The following NT5M variants were observed in gnomAD, a reference collection of about 807,000 sequenced individuals.
The protein encoded by NT5M is 5',3'-nucleotidase, mitochondrial.
Under a neutral mutation model 22.2 loss-of-function variants are expected in NT5M, and 22 were observed. That is an observed-to-expected ratio of 0.99 (90% CI 0.71 to 1.41). The LOEUF (loss-of-function observed/expected upper bound fraction) is 1.41. Ranked by LOEUF, NT5M falls within the 40% of genes most tolerant of loss-of-function variation. The pLI, the probability that NT5M is intolerant of heterozygous loss-of-function variation, is 0.00. For missense variants in NT5M, 322 were observed against 314.8 expected (o/e 1.02, Z -0.17); for synonymous variants, 167 against 133.0 (o/e 1.26, Z -1.76).
intron 2 of NT5M, among the ~76,000 whole-genome samples, chr17:17,311,252 C>T (rs551021666): frequency 5.0e-4 from 76 of 151,430 alleles, no homozygotes; most frequent in Non-Finnish European, 1.0e-3. Flanking sequence ...GCAGGAGAAT[C>T]GCGTGAACCT....
intron 3 of NT5M, among the ~76,000 whole-genome samples, chr17:17,341,541 G>A (rs2049641244): frequency 1.3e-5 from 2 of 152,170 alleles, no homozygotes; most frequent in Admixed American, 1.3e-4. Flanking sequence ...ATCCCCGAAG[G>A]CACTCACGAG....
rs1597809433 is a variant in NT5M at position 17,346,935 on chromosome 17, G to A, written c.675G>A (p.Lys225=). The change falls in exon 5 of 5, where the codon AAG becomes AAA. Residue 225 remains lysine, a synonymous_variant. Coordinates refer to ENST00000389022, the MANE Select transcript of NT5M (RefSeq NM_020201.4). ...ACTGGAAGGCCATTCTGGACAGCAA[G>A]CGGCCCTGCTGAGCTGGACTGTGCT... The part of the protein sequence containing the change: ...ADDWKAILDS[K]RPC 5.6e-6 allele frequency: 9 copies of A among 1,611,314 alleles called. No homozygotes were observed. The highest frequency in any genetic ancestry group is 7.6e-6 in the Non-Finnish European group (9 of 1,179,934).
intron 4 of NT5M, among the ~76,000 whole-genome samples, chr17:17,345,882 T>G (rs2049747851): frequency 6.6e-6 from 1 of 151,962 alleles, no homozygotes; most frequent in East Asian, 1.9e-4. Flanking sequence ...TGGAAAGGGG[T>G]GAGGAGGGCT....
At chr17:17,326,436 C>T (rs2049267841) in intron 3 of NT5M, among the ~76,000 whole-genome samples, 1 of 152,168 alleles carries the variant, frequency 6.6e-6, no homozygotes, top group African/African-American at 2.4e-5. Flanking sequence ...GGACCCCAGT[C>T]ACAGTAACAT....
chr17:17,319,520 A>G (rs2049106905), intron 2 of NT5M, among the ~76,000 whole-genome samples: 1 of 152,230 alleles, frequency 6.6e-6, no homozygotes, highest in Admixed American at 6.5e-5. Flanking sequence ...CTATTGATAC[A>G]TTTATTTAAC....
intron 2 of NT5M, among the ~76,000 whole-genome samples, chr17:17,318,577 G>A (rs1187810293): frequency 2.0e-5 from 3 of 150,474 alleles, no homozygotes; most frequent in Non-Finnish European, 4.4e-5. Flanking sequence ...TCTGAGGTCC[G>A]GAGTTTGAGA....
chr17:17,323,274 C>G (rs1338562959), intron 3 of NT5M, 29 bp downstream of exon 3: 1 of 1,595,742 alleles, frequency 6.3e-7, no homozygotes, highest in Non-Finnish European at 8.6e-7. Flanking sequence ...CAGCTGAGCC[C>G]TTACCCCATG....
At chr17:17,326,115 C>T (rs375363530) in intron 3 of NT5M, among the ~76,000 whole-genome samples, 3 of 152,188 alleles carry the variant, frequency 2.0e-5, no homozygotes, top group East Asian at 1.9e-4. Flanking sequence ...TAAACACCGG[C>T]GAGTACAGTG....
At chr17:17,327,019 C>G (rs550619662) in intron 3 of NT5M, among the ~76,000 whole-genome samples, 1 of 152,058 alleles carries the variant, frequency 6.6e-6, no homozygotes, top group South Asian at 2.1e-4. Flanking sequence ...TCAAGTGATT[C>G]TCCTGCCTCA....
At chr17:17,312,182 T>A (rs1436396117) in intron 2 of NT5M, among the ~76,000 whole-genome samples, 3 of 152,262 alleles carry the variant, frequency 2.0e-5, no homozygotes, top group Non-Finnish European at 2.9e-5. Flanking sequence ...GTTGCCGCTC[T>A]GTAAGATTTA....
At chr17:17,324,499 T>TC (rs1047297703) in intron 3 of NT5M, among the ~76,000 whole-genome samples, 2 of 62,048 alleles carry the variant, frequency 3.2e-5, no homozygotes, top group African/African-American at 1.2e-4. Context: ...AAAAACTTAA[T>TC]TTAAAAAAAA....
intron 2 of NT5M, among the ~76,000 whole-genome samples, chr17:17,314,029 A>G (rs1016951812): frequency 1.1e-4 from 16 of 147,576 alleles, no homozygotes; most frequent in Admixed American, 9.4e-4. Flanking sequence ...TCGGGAATAT[A>G]TGAATATATT....
chr17:17,311,332 C>CT (rs1345991574), intron 2 of NT5M, among the ~76,000 whole-genome samples: 2 of 92,774 alleles, frequency 2.2e-5, no homozygotes, highest in African/African-American at 7.9e-5. Context: ...GAGTGAGACT[C>CT]TGTCTCAAAA....
intron 3 of NT5M, among the ~76,000 whole-genome samples, chr17:17,333,808 C>G (rs951078320): frequency 6.6e-6 from 1 of 151,492 alleles, no homozygotes; most frequent in Non-Finnish European, 1.5e-5. Flanking sequence ...CAGGCACCTA[C>G]CACCATGCCC....
chr17:17,344,940 G>A, intron 4 of NT5M, 32 bp downstream of exon 4: 6 of 1,613,410 alleles, frequency 3.7e-6, no homozygotes, highest in Admixed American at 1.7e-5. Flanking sequence ...AGGAGCACGT[G>A]GGGAGGGCCC....
chr17:17,306,987 C>T (rs1448650614), intron 2 of NT5M, among the ~76,000 whole-genome samples: 4 of 151,916 alleles, frequency 2.6e-5, no homozygotes, highest in South Asian at 2.1e-4. Context: ...CACGTGAGGT[C>T]GGGAGTTTGA....
chr17:17,335,329 C>T (rs971037550), intron 3 of NT5M, among the ~76,000 whole-genome samples: 10 of 151,664 alleles, frequency 6.6e-5, no homozygotes, highest in African/African-American at 2.4e-4. Flanking sequence ...ATGATCTCGG[C>T]TCACTGCAAG....
chr17:17,344,676 C>A, intron 3 of NT5M, 118 bp from the exon 4 acceptor site: 1 of 1,269,256 alleles, frequency 7.9e-7, no homozygotes, highest in Non-Finnish European at 1.1e-6. Flanking sequence ...TGTCAGGCCT[C>A]CATCCCTCCC....
chr17:17,337,786 A>C (rs1048689397), intron 3 of NT5M, among the ~76,000 whole-genome samples: 1 of 152,174 alleles, frequency 6.6e-6, no homozygotes, highest in East Asian at 1.9e-4. Flanking sequence ...TTGACTCCTT[A>C]TGTATTCTGG....
Sources: allele counts gnomAD v4.1 joint callset (sites outside exome capture counted in the v4.1 genomes callset), GRCh38; gene constraint gnomAD v4.1.1; transcripts MANE v1.5; gene names NCBI Gene and HGNC (gene_info 2026-07-23, HGNC 2026-07-21).